Variants in MTUS2 observed in about 807,000 individuals in gnomAD.
MTUS2 encodes microtubule-associated tumor suppressor candidate 2.
MTUS2 carries 40 observed loss-of-function variants against 114.1 expected under a neutral mutation model. The ratio of observed to expected loss-of-function variants is 0.35; its 90% CI spans 0.27 to 0.46. The LOEUF (loss-of-function observed/expected upper bound fraction) is 0.46, where lower values mean the gene tolerates loss of function less well. Among genes scored for constraint, MTUS2 ranks in the 20% least tolerant of loss-of-function variants. The pLI, the probability that MTUS2 is intolerant of heterozygous loss-of-function variation, is 1.00. For synonymous variants in MTUS2, 688 were observed against 672.0 expected, an observed-to-expected ratio of 1.02 and a Z score of -0.37; for missense variants, 1,679 against 1,705.4, an observed-to-expected ratio of 0.98 and a Z score of 0.27.
intron 1 of MTUS2, among the ~76,000 whole-genome samples, chr13:28,820,967 C>T (rs1315048053): frequency 1.3e-5 from 2 of 152,036 alleles, no homozygotes; most frequent in African/African-American, 4.8e-5. Flanking sequence ...TTCCTTCAAG[C>T]TTTATAATGG....
intron 10 of MTUS2, among the ~76,000 whole-genome samples, chr13:29,481,721 G>T (rs1281061262): frequency 6.6e-6 from 1 of 151,230 alleles, no homozygotes; most frequent in Non-Finnish European, 1.5e-5. Flanking sequence ...TTACTGTCAT[G>T]GTAATAAAAA....
At chr13:29,388,536 T>C (rs1011023199) in intron 8 of MTUS2, among the ~76,000 whole-genome samples, 4 of 151,790 alleles carry the variant, frequency 2.6e-5, no homozygotes, top group African/African-American at 4.8e-5. Flanking sequence ...TCATTTATTG[T>C]TTTCTTTTGG....
At chr13:29,372,482 T>C (rs1365599531) in intron 8 of MTUS2, among the ~76,000 whole-genome samples, 1 of 142,250 alleles carries the variant, frequency 7.0e-6, no homozygotes, top group Non-Finnish European at 1.5e-5. Flanking sequence ...TATGTTAAGA[T>C]TAACTATAAG....
chr13:28,846,945 A>T (rs966483039), intron 2 of MTUS2, among the ~76,000 whole-genome samples: 1 of 152,164 alleles, frequency 6.6e-6, no homozygotes, highest in Admixed American at 6.5e-5. Context: ...ATTCATTCCC[A>T]ATATTATTTG....
intron 15 of MTUS2, among the ~76,000 whole-genome samples, chr13:29,502,441 T>C (rs904879246): frequency 2.2e-4 from 34 of 152,214 alleles, no homozygotes; most frequent in African/African-American, 8.0e-4. Context: ...TTGGCCTCTG[T>C]CCTCCGGAGC....
At chr13:29,141,927 T>C (rs1486559845) in intron 5 of MTUS2, among the ~76,000 whole-genome samples, 1 of 150,548 alleles carries the variant, frequency 6.6e-6, no homozygotes, top group Non-Finnish European at 1.5e-5. Flanking sequence ...TGGTGTGATC[T>C]CGGCTCACTT....
intron 4 of MTUS2, among the ~76,000 whole-genome samples, chr13:29,082,314 T>C (rs1313025929): frequency 1.3e-5 from 2 of 152,158 alleles, no homozygotes; most frequent in Admixed American, 6.5e-5. Flanking sequence ...CATTTTGTTA[T>C]GACGGCCTGA....
chr13:29,020,214 T>C (rs1007111873), intron 2 of MTUS2, among the ~76,000 whole-genome samples: 5 of 152,216 alleles, frequency 3.3e-5, no homozygotes, highest in African/African-American at 1.2e-4. Flanking sequence ...AAGGCCATTA[T>C]TGTTAACTTT....
intron 1 of MTUS2, among the ~76,000 whole-genome samples, chr13:28,831,221 T>C (rs752149157): frequency 2.6e-5 from 4 of 151,884 alleles, no homozygotes; most frequent in Admixed American, 6.6e-5. Flanking sequence ...AGGGCAGTAG[T>C]GGAGGAACAA....
rs57396668 is a variant in MTUS2, at chr13:28,852,975, T to TACATACATACATACATA, written c.-243+13125_-243+13126insACATACATACATACATA. 2.2e-4 allele frequency among the ~76,000 whole-genome samples: 34 copies of TACATACATACATACATA among 151,250 alleles called. 2 individuals are homozygous for TACATACATACATACATA. Among genetic ancestry groups the TACATACATACATACATA allele is most frequent in the African/African-American group, 8.3e-4 (34 of 41,048 alleles). On this transcript the variant is annotated intron_variant, in intron 2 of 15. Coordinates refer to ENST00000612955, the MANE Select transcript of MTUS2 (RefSeq NM_001033602.4). ...TACATACATACATACATACATACAT[T>TACATACATACATACATA]CATTCATTCATTCATTCCTTGGAAA... is the stretch of plus-strand genomic sequence containing the variant.
chr13:29,026,783 C>G lies in MTUS2; in HGVS notation c.2085C>G (p.Leu695=). 6.2e-7 allele frequency: 1 copy of G among 1,613,762 alleles called. No individual in the cohort carries two copies. Among genetic ancestry groups the G allele is most frequent in the Non-Finnish European group, 8.5e-7 (1 of 1,179,892 alleles). The part of the protein sequence containing the change: ...AGGDLKPSAN[L]YEKFKPDLQK... ...GTGACCTGAAGCCATCTGCCAACCT[C>G]TATGAGAAATTCAAGCCAGACCTGC... Residue 695 remains leucine (L), a synonymous_variant, in exon 3 of 16, where the codon CTC becomes CTG. Coordinates refer to ENST00000612955, the MANE Select transcript of MTUS2 (RefSeq NM_001033602.4).
intron 5 of MTUS2, among the ~76,000 whole-genome samples, chr13:29,129,437 A>C (rs1244043904): frequency 6.6e-6 from 1 of 152,142 alleles, no homozygotes; most frequent in South Asian, 2.1e-4. Flanking sequence ...CTTTCCACTT[A>C]GAATATGTTT....
At chr13:29,099,238 T>C (rs568033025) in intron 4 of MTUS2, among the ~76,000 whole-genome samples, 1 of 152,332 alleles carries the variant, frequency 6.6e-6, no homozygotes, top group Admixed American at 6.5e-5. Flanking sequence ...TGAGGTTTTG[T>C]TTTTTGTTTT....
At chr13:29,273,660 T>C (rs1897958027) in intron 5 of MTUS2, among the ~76,000 whole-genome samples, 1 of 152,190 alleles carries the variant, frequency 6.6e-6, no homozygotes, top group Non-Finnish European at 1.5e-5. Flanking sequence ...CGAGAACATA[T>C]TTAATCACCC....
chr13:29,170,878 C>T (rs994654378), intron 5 of MTUS2, among the ~76,000 whole-genome samples: 2 of 147,626 alleles, frequency 1.4e-5, no homozygotes, highest in African/African-American at 2.5e-5. Context: ...ATTTAGACAC[C>T]ATTGATAAAA....
At chr13:29,228,433 A>G (rs532954082) in intron 5 of MTUS2, among the ~76,000 whole-genome samples, 1 of 152,238 alleles carries the variant, frequency 6.6e-6, no homozygotes, top group South Asian at 2.1e-4. Flanking sequence ...TGTGCCTCCC[A>G]TCTCAGCTTC....
At chr13:29,299,647 G>A (rs887373719) in intron 6 of MTUS2, among the ~76,000 whole-genome samples, 7 of 152,164 alleles carry the variant, frequency 4.6e-5, no homozygotes, top group African/African-American at 1.7e-4. Flanking sequence ...CCATAGAAGT[G>A]GCCGGTGATG....
At chr13:29,488,087 C>T in intron 11 of MTUS2, 82 bp downstream of exon 11, 1 of 1,055,248 alleles carries the variant, frequency 9.5e-7, no homozygotes, top group East Asian at 2.4e-5. Context: ...TGGAGCCCCC[C>T]TTCCTCTCTT....
At chr13:28,876,020 T>C (rs1042087543) in intron 2 of MTUS2, among the ~76,000 whole-genome samples, 1 of 152,262 alleles carries the variant, frequency 6.6e-6, no homozygotes, top group Non-Finnish European at 1.5e-5. Flanking sequence ...GCTATTTAAA[T>C]GGCTTAGCTA....
Sources: gnomAD v4.1 joint callset for allele counts (sites outside exome capture counted in the v4.1 genomes callset) on GRCh38, gnomAD v4.1.1 for gene constraint, MANE v1.5 for transcripts, NCBI Gene and HGNC (gene_info 2026-07-23, HGNC 2026-07-21) for gene names.